The following NOVA1 variants were observed in gnomAD, a reference collection of about 807,000 sequenced individuals.
NOVA1 encodes RNA-binding protein Nova-1.
Under a neutral mutation model 38.0 loss-of-function variants are expected in NOVA1, and 7 were observed. The observed-to-expected ratio is 0.18, with a 90% CI of 0.10 to 0.35. The LOEUF (loss-of-function observed/expected upper bound fraction) is 0.35, where lower values mean the gene tolerates loss of function less well. Among genes scored for constraint, NOVA1 ranks in the 10% least tolerant of loss-of-function variants. The pLI is 1.00. For synonymous variants in NOVA1, 270 were observed against 232.5 expected, an observed-to-expected ratio of 1.16 and a Z score of -1.47; for missense variants, 460 against 616.0, an observed-to-expected ratio of 0.75 and a Z score of 2.68.
intron 2 of NOVA1, among the ~76,000 whole-genome samples, chr14:26,530,543 T>A (rs1474502651): frequency 6.6e-6 from 1 of 152,132 alleles, no homozygotes; most frequent in Non-Finnish European, 1.5e-5. Flanking sequence ...ATAATACTTA[T>A]CTCTGGGAAA....
At chr14:26,517,813 G>A (rs1200490697) in intron 2 of NOVA1, among the ~76,000 whole-genome samples, 2 of 152,042 alleles carry the variant, frequency 1.3e-5, no homozygotes, top group African/African-American at 2.4e-5. Flanking sequence ...TTTCCAACAA[G>A]GACATCCTTT....
intron 1 of NOVA1, chr14:26,595,840 GT>G: frequency 2.9e-6 from 1 of 341,350 alleles, no homozygotes; most frequent in Non-Finnish European, 5.5e-6. Context: ...AATTCCAGTT[GT>G]TATTCCAAAC....
intron 2 of NOVA1, among the ~76,000 whole-genome samples, chr14:26,584,231 G>A (rs1893388024): frequency 6.6e-6 from 1 of 150,762 alleles, no homozygotes; most frequent in African/African-American, 2.4e-5. Context: ...ATTTCTAGTT[G>A]CCCCATCTTT....
At position 26,447,862 on chromosome 14, in the gene NOVA1, A is replaced by G; in HGVS notation, c.*97T>C. The G allele has an allele frequency of 1.2e-6, 1 of 822,760 alleles. No individual in the cohort carries two copies. Among genetic ancestry groups the G allele is most frequent in the Non-Finnish European group, 2.0e-6 (1 of 510,310 alleles). 51.0% of individuals were successfully genotyped at this position (822,760 alleles called of 1,614,324 possible). The stretch of plus-strand genomic sequence containing the variant: ...GCATTCATTTGCATAATTATATATT[A>G]ATAACAGAAAAACTTCACTTCTGCA... On this transcript the variant is annotated 3_prime_UTR_variant, in exon 5 of 5. Transcript: ENST00000539517.
chr14:26,596,716 T>C (rs1434702763), intron 1 of NOVA1: 3 of 1,284,310 alleles, frequency 2.3e-6, no homozygotes, highest in Non-Finnish European at 3.0e-6. Context: ...CACCCTCGTA[T>C]GCACCCCCCT....
At chr14:26,552,357 T>C (rs889408891) in intron 2 of NOVA1, among the ~76,000 whole-genome samples, 5 of 152,102 alleles carry the variant, frequency 3.3e-5, no homozygotes, top group Non-Finnish European at 5.9e-5. Context: ...TTTAAGTAAG[T>C]ATTTTATAAA....
intron 2 of NOVA1, among the ~76,000 whole-genome samples, chr14:26,485,662 G>A (rs1018493555): frequency 6.6e-6 from 1 of 152,050 alleles, no homozygotes; most frequent in African/African-American, 2.4e-5. Flanking sequence ...ATATGCTAAT[G>A]ATTTGATCCA....
intron 3 of NOVA1, among the ~76,000 whole-genome samples, chr14:26,477,584 T>C (rs1885088813): frequency 6.6e-6 from 1 of 152,156 alleles, no homozygotes; most frequent in Admixed American, 6.5e-5. Context: ...TCAATTTACT[T>C]AGTTTAAAAC....
intron 3 of NOVA1, among the ~76,000 whole-genome samples, chr14:26,474,943 C>T (rs973275911): frequency 1.3e-5 from 2 of 151,878 alleles, no homozygotes; most frequent in Non-Finnish European, 2.9e-5. Flanking sequence ...AAAATACCCT[C>T]GAAAGTTTCC....
At chr14:26,574,273 CCCCCCCCG>C in intron 2 of NOVA1, among the ~76,000 whole-genome samples, 1 of 92,636 alleles carries the variant, frequency 1.1e-5, no homozygotes, top group East Asian at 4.4e-4. Context: ...ATCCACCCCC[CCCCCCCCG>C]CCCCCTCGGC....
rs1208603656 is a variant in NOVA1 at position 26,448,331 on chromosome 14, T to C, written c.1152A>G (p.Ala384=). The change falls in exon 5 of 5, where the codon GCA becomes GCG. Residue 384 remains alanine (A), a synonymous_variant. Transcript: ENST00000539517. This position sits in a 1 kb window ranked among gnomAD's most constrained non-coding sequence, Gnocchi z 5.3. ...CAGTAGCAGCAGCCAGGCTACCTAA[T>C]GCAAATGTCCCCGCCGTACCACCAG... ...STAGGTAGTF[A]LGSLAAATAA... 5 of 1,612,968 alleles carry C rather than the reference T, an allele frequency of 3.1e-6. No individual in the cohort carries two copies. The African/African-American group carries it at 4.0e-5, about 13-fold the overall frequency.
intron 4 of NOVA1, chr14:26,470,178 A>G: frequency 1.1e-6 from 1 of 879,786 alleles, no homozygotes; most frequent in Non-Finnish European, 1.5e-6. Flanking sequence ...AGTTCTTTTC[A>G]TTACAATTAG....
chr14:26,557,136 T>C (rs1159370842), intron 2 of NOVA1, among the ~76,000 whole-genome samples: 2 of 152,202 alleles, frequency 1.3e-5, no homozygotes, highest in African/African-American at 4.8e-5. Context: ...AACCTTCCCT[T>C]AACTTGATTA....
At chr14:26,568,572 CTA>C (rs1892274679) in intron 2 of NOVA1, 1 of 152,124 alleles carries the variant, frequency 6.6e-6, no homozygotes, top group African/African-American at 2.4e-5. Context: ...CCTGAAACAA[CTA>C]TGTCACAGAA....
At chr14:26,480,890 T>A (rs956159794) in intron 2 of NOVA1, among the ~76,000 whole-genome samples, 2 of 152,040 alleles carry the variant, frequency 1.3e-5, no homozygotes, top group African/African-American at 4.8e-5. Context: ...TTTATGAAAC[T>A]TGAAATTCAC....
chr14:26,580,387 A>G (rs983047018), intron 2 of NOVA1, among the ~76,000 whole-genome samples: 5 of 152,194 alleles, frequency 3.3e-5, no homozygotes, highest in Non-Finnish European at 7.4e-5. Context: ...AAATAAATCC[A>G]TATGTTTCAC....
chr14:26,597,144 G>A, intron 1 of NOVA1, 157 bp downstream of exon 1: 2 of 1,216,486 alleles, frequency 1.6e-6, no homozygotes, highest in Non-Finnish European at 2.1e-6. Flanking sequence ...GCAGGGGAGG[G>A]GGCGCGGGGC....
intron 2 of NOVA1, among the ~76,000 whole-genome samples, chr14:26,521,629 CTT>C (rs918171463): frequency 4.6e-5 from 7 of 151,964 alleles, no homozygotes; most frequent in African/African-American, 1.7e-4. Context: ...AAAATTTACT[CTT>C]TATCTTTTTA....
chr14:26,468,868 C>A (rs1163432838), intron 4 of NOVA1, among the ~76,000 whole-genome samples: 1 of 151,996 alleles, frequency 6.6e-6, no homozygotes, highest in East Asian at 1.9e-4. Context: ...TTCTTTTATT[C>A]TTTTCATGAA....
Sources: allele counts gnomAD v4.1 joint callset (sites outside exome capture counted in the v4.1 genomes callset), GRCh38; gene constraint gnomAD v4.1.1; non-coding constraint Gnocchi (gnomAD v3.1); transcripts MANE v1.5; gene names NCBI Gene and HGNC (gene_info 2026-07-23, HGNC 2026-07-21).